The following ARHGAP18 variants were observed in gnomAD, a reference collection of about 807,000 sequenced individuals.
ARHGAP18 encodes rho GTPase-activating protein 18.
In ARHGAP18, 67 loss-of-function variants were observed where a neutral mutation model predicts 86.2. The observed-to-expected ratio is 0.78, with a 90% CI of 0.64 to 0.95. The LOEUF is 0.95. Ranked by LOEUF, ARHGAP18 falls within the 40% of genes least tolerant of loss-of-function variation. ARHGAP18 has a pLI of 0.00. For missense variants in ARHGAP18, 691 were observed against 780.4 expected, an observed-to-expected ratio of 0.89 and a Z score of 1.37; for synonymous variants, 283 against 280.4, an observed-to-expected ratio of 1.01 and a Z score of -0.09.
At position 129,661,763 on chromosome 6, in the gene ARHGAP18, A is replaced by G. The variant is rs565820765; in HGVS notation, c.114-19745T>C. On this transcript the variant is annotated intron_variant, in intron 1 of 14. Transcript: ENST00000368149. ...TGTGATGTCTCTAAACTCTCCCTTG[A>G]CAACACCACAAATAACGTGCAGGGT... 19 of 560,404 alleles carry G rather than the reference A, an allele frequency of 3.4e-5. No individual in the cohort carries two copies. In the African/African-American group the frequency reaches 3.5e-4, roughly 10 times the overall value. The allele number at this position is 560,404 out of a possible 1,614,324, so 34.7% of individuals were successfully genotyped here.
chr6:129,652,725 G>A (rs1308477838), intron 1 of ARHGAP18, among the ~76,000 whole-genome samples: 1 of 152,112 alleles, frequency 6.6e-6, no homozygotes, highest in Non-Finnish European at 1.5e-5. Flanking sequence ...TTTCATTCTG[G>A]CTGCTGACTC....
chr6:129,612,051 T>C (rs192194607), intron 7 of ARHGAP18, among the ~76,000 whole-genome samples: 2 of 152,382 alleles, frequency 1.3e-5, no homozygotes, highest in East Asian at 3.9e-4. Flanking sequence ...GAAAAAAGAC[T>C]GTTTGCAAAT....
intron 12 of ARHGAP18, among the ~76,000 whole-genome samples, chr6:129,589,932 G>A (rs1258636988): frequency 1.3e-5 from 2 of 152,188 alleles, no homozygotes; most frequent in Non-Finnish European, 2.9e-5. Flanking sequence ...AACCATTGGT[G>A]TAAGTCCAAG....
chr6:129,586,687 G>A (rs1194034852), intron 12 of ARHGAP18, among the ~76,000 whole-genome samples: 2 of 152,130 alleles, frequency 1.3e-5, no homozygotes, highest in Admixed American at 6.5e-5. Context: ...TAAATGAGTT[G>A]CAAAACCAAA....
chr6:129,581,921 T>C (rs902986191), intron 13 of ARHGAP18, among the ~76,000 whole-genome samples: 3 of 152,174 alleles, frequency 2.0e-5, no homozygotes, highest in Admixed American at 6.5e-5. Context: ...GTCATTTTCC[T>C]AGTTAATTAC....
At chr6:129,628,173 T>C (rs1027450448) in intron 5 of ARHGAP18, among the ~76,000 whole-genome samples, 1 of 152,168 alleles carries the variant, frequency 6.6e-6, no homozygotes, top group African/African-American at 2.4e-5. Context: ...TACACAGAGC[T>C]TGGTTTCTAA....
At chr6:129,675,139 G>A (rs898774285) in intron 1 of ARHGAP18, among the ~76,000 whole-genome samples, 7 of 152,152 alleles carry the variant, frequency 4.6e-5, no homozygotes, top group African/African-American at 1.7e-4. Context: ...AGAAACAGAA[G>A]GACAAGTGGT....
In ARHGAP18 at chr6:129,634,004, C is replaced by T. The variant is rs374836309; in HGVS notation, c.616+38G>A. The T allele has an allele frequency of 2.0e-5, 29 of 1,455,132 alleles. No individual in the cohort carries two copies. In the East Asian group the frequency reaches 2.3e-4, roughly 12 times the overall value. The allele number at this position is 1,455,132 out of a possible 1,614,324, so 90.1% of individuals were successfully genotyped here. ...TGTAACTGTTATACTAATTAAAGGG[C>T]GGAAAAAAAAAAAAACAAGAGAACA... On this transcript the variant is annotated intron_variant, in intron 4 of 14. Coordinates refer to ENST00000368149, the MANE Select transcript of ARHGAP18 (RefSeq NM_033515.3).
intron 9 of ARHGAP18, 117 bp downstream of exon 9, chr6:129,607,776 G>A (rs994029631): frequency 8.7e-7 from 1 of 1,151,656 alleles, no homozygotes; most frequent in African/African-American, 1.6e-5. Flanking sequence ...CATCAGTTGA[G>A]TCAATATGTC....
chr6:129,630,864 C>T (rs1404033190), intron 4 of ARHGAP18, among the ~76,000 whole-genome samples: 1 of 152,112 alleles, frequency 6.6e-6, no homozygotes, highest in African/African-American at 2.4e-5. Context: ...CACAGCTGGT[C>T]CTGATGGAAT....
At chr6:129,598,296 G>C (rs865818382) in intron 12 of ARHGAP18, among the ~76,000 whole-genome samples, 1 of 152,150 alleles carries the variant, frequency 6.6e-6, no homozygotes. Context: ...TGCCAAGAAA[G>C]TATCATTTTT....
At chr6:129,649,722 T>A (rs1484189120) in intron 1 of ARHGAP18, among the ~76,000 whole-genome samples, 1 of 151,664 alleles carries the variant, frequency 6.6e-6, no homozygotes, top group Non-Finnish European at 1.5e-5. Flanking sequence ...GACCTGATTA[T>A]CCTGTTTATG....
Position 129,700,096 on chromosome 6 carries a change from C to A in ARHGAP18, c.113+9928G>T, listed in dbSNP as rs1358655561. On this transcript the variant is annotated intron_variant, in intron 1 of 14. Coordinates refer to ENST00000368149, the MANE Select transcript of ARHGAP18 (RefSeq NM_033515.3). Reference sequence around the variant, plus strand: ...ATATACATTCAGCTGAACTCTGCCCCATGAAACATCACTTCTTGGTTATGA... The same window carrying A: ...ATATACATTCAGCTGAACTCTGCCCAATGAAACATCACTTCTTGGTTATGA... Among the ~76,000 whole-genome samples, 4 of 152,266 alleles carry A rather than the reference C, an allele frequency of 2.6e-5. No individual in the cohort carries two copies. The South Asian group carries it at 6.2e-4, about 24-fold the overall frequency.
At chr6:129,638,280 G>T in intron 3 of ARHGAP18, 114 bp downstream of exon 3, 1 of 1,044,166 alleles carries the variant, frequency 9.6e-7, no homozygotes, top group Non-Finnish European at 1.4e-6. Flanking sequence ...GAGCTTTGGT[G>T]CCTGGCATAG....
At chr6:129,679,569 G>A (rs879711538) in intron 1 of ARHGAP18, among the ~76,000 whole-genome samples, 3 of 152,174 alleles carry the variant, frequency 2.0e-5, no homozygotes, top group Admixed American at 6.5e-5. Flanking sequence ...CACATGACAC[G>A]ATTAGAGGGC....
chr6:129,601,421 A>T (rs1412858128), intron 10 of ARHGAP18, among the ~76,000 whole-genome samples: 3 of 151,948 alleles, frequency 2.0e-5, no homozygotes, highest in Non-Finnish European at 4.4e-5. Context: ...ATCTGAGCTT[A>T]GGAGTCTGAG....
rs530625747 is a variant in ARHGAP18 at position 129,607,487 on chromosome 6, T to C, written c.1282+406A>G. 1.1e-3 allele frequency among the ~76,000 whole-genome samples: 167 copies of C among 152,268 alleles called. 1 individual carries two copies. The highest frequency in any genetic ancestry group is 2.0e-3 in the Non-Finnish European group (133 of 68,010). ...AAGAAATGCTCAGAGACCCTACCAC[T>C]TCTCCTTGTGCTTTTATGATAACTG... On this transcript the variant is annotated intron_variant, in intron 9 of 14. Coordinates refer to ENST00000368149, the MANE Select transcript of ARHGAP18 (RefSeq NM_033515.3).
intron 9 of ARHGAP18, among the ~76,000 whole-genome samples, chr6:129,607,315 T>A (rs892617093): frequency 6.6e-6 from 1 of 152,170 alleles, no homozygotes; most frequent in Non-Finnish European, 1.5e-5. Context: ...GGAAAAAGAA[T>A]CGAGAACTAT....
intron 5 of ARHGAP18, among the ~76,000 whole-genome samples, chr6:129,622,259 G>T (rs776053540): frequency 1.1e-4 from 16 of 152,098 alleles, no homozygotes; most frequent in Non-Finnish European, 1.8e-4. Flanking sequence ...CACAAAACTG[G>T]TCACATTTTT....
Sources: allele counts gnomAD v4.1 joint callset (sites outside exome capture counted in the v4.1 genomes callset), GRCh38; gene constraint gnomAD v4.1.1; transcripts MANE v1.5; gene names NCBI Gene and HGNC (gene_info 2026-07-23, HGNC 2026-07-21).